Variants in ATF2 observed in about 807,000 individuals in gnomAD.
ATF2 encodes the protein cyclic AMP-dependent transcription factor ATF-2.
Under a neutral mutation model 60.6 loss-of-function variants are expected in ATF2, and 24 were observed. The ratio of observed to expected loss-of-function variants is 0.40; its 90% CI spans 0.29 to 0.56. ATF2 has a LOEUF of 0.56. Among genes scored for constraint, ATF2 ranks in the 20% least tolerant of loss-of-function variants. The probability of loss-of-function intolerance (pLI) is 0.54; values close to 1 mark genes in which losing one functional copy is unlikely to be tolerated. For synonymous variants in ATF2, 206 were observed against 215.4 expected, an observed-to-expected ratio of 0.96 and a Z score of 0.38; for missense variants, 433 against 607.7, an observed-to-expected ratio of 0.71 and a Z score of 3.02.
intron 5 of ATF2, among the ~76,000 whole-genome samples, chr2:175,119,333 G>A (rs532354941): frequency 1.3e-5 from 2 of 151,656 alleles, no homozygotes; most frequent in South Asian, 4.1e-4. Flanking sequence ...CCTAAGTGAA[G>A]TAAAAGTACT....
intron 1 of ATF2, among the ~76,000 whole-genome samples, chr2:175,163,952 A>ACTAGTT (rs1357245716): frequency 6.8e-6 from 1 of 147,666 alleles, no homozygotes; most frequent in African/African-American, 2.5e-5. Flanking sequence ...AAATGAATAC[A>ACTAGTT]CTAGTTTCAA....
chr2:175,111,439 C>G, intron 10 of ATF2, 129 bp downstream of exon 10: 1 of 694,014 alleles, frequency 1.4e-6, no homozygotes, highest in South Asian at 4.1e-5. Flanking sequence ...TGTGGTTTAT[C>G]TATAGTATAA....
intron 10 of ATF2, among the ~76,000 whole-genome samples, chr2:175,107,690 CGAGTGCCTGCGATTGCAGG>C (rs1695778039): frequency 6.6e-6 from 1 of 152,196 alleles, no homozygotes; most frequent in African/African-American, 2.4e-5. Flanking sequence ...CACAGCAGGC[CGAGTGCCTGCGATTGCAGG>C]CGCGCGCCGC....
chr2:175,163,144 T>C (rs868034236), intron 1 of ATF2, among the ~76,000 whole-genome samples: 1 of 19,736 alleles, frequency 5.1e-5, no homozygotes, highest in Non-Finnish European at 1.1e-4. Flanking sequence ...AAAAAATAAA[T>C]AAATAAATAA....
chr2:175,144,800 C>T (rs940326785), intron 2 of ATF2, among the ~76,000 whole-genome samples: 3 of 152,134 alleles, frequency 2.0e-5, no homozygotes, highest in Non-Finnish European at 2.9e-5. Context: ...TGGGCTAAGG[C>T]GGCATCCACA....
chr2:175,141,020 A>ATATATATAT (rs1698481569), intron 2 of ATF2, among the ~76,000 whole-genome samples: 1 of 116,388 alleles, frequency 8.6e-6, no homozygotes, highest in African/African-American at 3.8e-5. Flanking sequence ...AAAAAAAAAA[A>ATATATATAT]AAAAAAAAAA....
In ATF2 at chr2:175,158,907, C is replaced by T. The variant is rs559888361; in HGVS notation, c.-142-7749G>A. On this transcript the variant is annotated intron_variant, in intron 1 of 13. Coordinates refer to ENST00000264110, the MANE Select transcript of ATF2 (RefSeq NM_001880.4). ...GTATTTATTAAGTTCATAAATTTTA[C>T]TGCATTTTACTTTGACTTTAAATGT... Among the ~76,000 whole-genome samples the T allele has an allele frequency of 1.8e-4, 28 of 152,248 alleles. No individual in the cohort carries two copies. In the South Asian group the frequency reaches 5.8e-3, roughly 32 times the overall value.
At chr2:175,102,254 T>C (rs944907429) in intron 10 of ATF2, among the ~76,000 whole-genome samples, 1 of 152,168 alleles carries the variant, frequency 6.6e-6, no homozygotes, top group African/African-American at 2.4e-5. Context: ...GAAACTCTAT[T>C]TGTTGACTCC....
At chr2:175,120,033 TG>T (rs2105711703) in intron 5 of ATF2, among the ~76,000 whole-genome samples, 1 of 151,696 alleles carries the variant, frequency 6.6e-6, no homozygotes, top group East Asian at 1.9e-4. Context: ...AACATGTTAG[TG>T]AAAAAAAAGG....
chr2:175,089,137 G>A (rs1165350157), intron 12 of ATF2, among the ~76,000 whole-genome samples: 4 of 151,424 alleles, frequency 2.6e-5, no homozygotes, highest in Middle Eastern at 3.4e-3. Flanking sequence ...CTGAGATTGC[G>A]CCATTGCACT....
intron 11 of ATF2, among the ~76,000 whole-genome samples, chr2:175,095,869 C>A (rs1049340202): frequency 1.3e-5 from 2 of 152,116 alleles, no homozygotes; most frequent in Non-Finnish European, 2.9e-5. Context: ...ACTTAACTTG[C>A]AGACCACACA....
At chr2:175,141,381 G>A (rs994249989) in intron 2 of ATF2, among the ~76,000 whole-genome samples, 5 of 151,780 alleles carry the variant, frequency 3.3e-5, no homozygotes, top group African/African-American at 1.2e-4. Context: ...AAGTGCCCCC[G>A]GCACTTTATC....
At chr2:175,134,914 G>A (rs1698027942) in intron 3 of ATF2, among the ~76,000 whole-genome samples, 2 of 151,296 alleles carry the variant, frequency 1.3e-5, no homozygotes, top group African/African-American at 4.9e-5. Context: ...TGAGGCAGGA[G>A]GATCTCTTGA....
intron 1 of ATF2, among the ~76,000 whole-genome samples, chr2:175,156,087 T>G (rs1699660414): frequency 6.6e-6 from 1 of 151,972 alleles, no homozygotes; most frequent in Admixed American, 6.6e-5. Flanking sequence ...TACACAGATC[T>G]TTGCTAGCCA....
At chr2:175,109,421 C>T (rs1696014123) in intron 10 of ATF2, among the ~76,000 whole-genome samples, 1 of 152,150 alleles carries the variant, frequency 6.6e-6, no homozygotes, top group African/African-American at 2.4e-5. Context: ...TATAACTAAT[C>T]TATGGTTACA....
intron 10 of ATF2, among the ~76,000 whole-genome samples, chr2:175,108,427 C>G (rs1181428333): frequency 4.0e-5 from 6 of 150,226 alleles, no homozygotes; most frequent in South Asian, 2.1e-4. Flanking sequence ...GGGGGTCAGC[C>G]CCCGCCCGGC....
chr2:175,167,049 A>C (rs950390713), intron 1 of ATF2, among the ~76,000 whole-genome samples: 1 of 152,218 alleles, frequency 6.6e-6, no homozygotes, highest in Non-Finnish European at 1.5e-5. Context: ...CCTAAGGTCC[A>C]TCAGGAGTAA....
chr2:175,111,114 T>A (rs1477846711), intron 10 of ATF2, among the ~76,000 whole-genome samples: 12 of 152,196 alleles, frequency 7.9e-5, no homozygotes, highest in Admixed American at 5.2e-4. Context: ...AAAATACACA[T>A]CTAAACATTA....
At chr2:175,155,836 T>C (rs139446301) in intron 1 of ATF2, among the ~76,000 whole-genome samples, 15 of 152,344 alleles carry the variant, frequency 9.8e-5, no homozygotes, top group Middle Eastern at 3.4e-3. Context: ...TAGGTACTTA[T>C]AAAAGTGGTG....
Sources: gnomAD v4.1 joint callset for allele counts (sites outside exome capture counted in the v4.1 genomes callset) on GRCh38, gnomAD v4.1.1 for gene constraint, MANE v1.5 for transcripts, NCBI Gene and HGNC (gene_info 2026-07-23, HGNC 2026-07-21) for gene names.